Variants in PLXNC1 observed in about 807,000 individuals in gnomAD.
PLXNC1 encodes plexin C1, also known as plexin-C1.
Under a neutral mutation model 178.2 loss-of-function variants are expected in PLXNC1, and 75 were observed. The observed-to-expected ratio is 0.42, with a 90% CI of 0.35 to 0.51. PLXNC1 has a LOEUF of 0.51. Ranked by LOEUF, PLXNC1 falls within the 20% of genes least tolerant of loss-of-function variation. The pLI is 0.02. For synonymous variants in PLXNC1, 790 were observed against 779.9 expected (o/e 1.01, Z -0.22); for missense variants, 1,503 against 1,984.4 (o/e 0.76, Z 4.61).
rs1964549236 is a variant in PLXNC1 at position 94,247,085 on chromosome 12, A to G, written c.2389-818A>G. Among the ~76,000 whole-genome samples, 7 of 152,064 alleles carry G rather than the reference A, an allele frequency of 4.6e-5. No individual in the cohort carries two copies. The South Asian group carries it at 1.5e-3, about 32-fold the overall frequency. On this transcript the variant is annotated intron_variant, in intron 12 of 30. Transcript: ENST00000258526. ...TAACTTTTTAAATTTTATTTTTTATATATATAGAGAGAGACAGGGTCTCAC... is the reference window on the plus strand; with the variant it reads ...TAACTTTTTAAATTTTATTTTTTATGTATATAGAGAGAGACAGGGTCTCAC...
intron 7 of PLXNC1, 33 bp from the exon 8 acceptor site, chr12:94,226,572 C>T (rs560821244): frequency 3.9e-5 from 56 of 1,436,056 alleles, no homozygotes; most frequent in South Asian, 3.9e-4. Flanking sequence ...TGTCCTAAAA[C>T]GCAGGAATTA....
At chr12:94,295,786 G>T (rs1368868790) in intron 24 of PLXNC1, among the ~76,000 whole-genome samples, 1 of 152,164 alleles carries the variant, frequency 6.6e-6, no homozygotes, top group Admixed American at 6.5e-5. Context: ...CACACAGCCT[G>T]CTCTCATTGG....
At chr12:94,275,667 A>C (rs896050738) in intron 21 of PLXNC1, among the ~76,000 whole-genome samples, 4 of 94,826 alleles carry the variant, frequency 4.2e-5, no homozygotes, top group Non-Finnish European at 8.6e-5. Context: ...TCCCGGCTAA[A>C]ACGGTGAAAC....
rs1042780918 is a variant in PLXNC1, at chr12:94,306,356, A to G, written c.*1071A>G. ...TACAACTTGGTATCTTAGTCTTACT[A>G]TGTACTTTTTGAAAGTATTCCTCGC... On this transcript the variant is annotated 3_prime_UTR_variant, in exon 31 of 31. Coordinates refer to ENST00000258526, the MANE Select transcript of PLXNC1 (RefSeq NM_005761.3). The G allele has an allele frequency of 6.6e-6, 1 of 152,198 alleles. No individual in the cohort carries two copies. Among genetic ancestry groups the G allele is most frequent in the Admixed American group, 6.5e-5 (1 of 15,282 alleles). The allele number at this position is 152,198 out of a possible 1,614,324, so 9.4% of individuals were successfully genotyped here. A position where few individuals can be genotyped will look rare whatever the true frequency, so the allele number is the denominator to read the frequency against.
rs766130002 is a variant in PLXNC1 at position 94,279,898 on chromosome 12, G to T, written c.3775+249G>T. ...TGTTGTTGTTGTCTTTAAATATTAC[G>T]TCTGTAAATCAGATTGATGAGATTG... On this transcript the variant is annotated intron_variant, in intron 22 of 30. Coordinates refer to ENST00000258526, the MANE Select transcript of PLXNC1 (RefSeq NM_005761.3). The T allele has an allele frequency of 4.7e-6, 3 of 641,348 alleles. No homozygotes were observed. In the African/African-American group the frequency reaches 5.4e-5, roughly 11 times the overall value. The allele number at this position is 641,348 out of a possible 1,614,324, so 39.7% of individuals were successfully genotyped here. A position where few individuals can be genotyped will look rare whatever the true frequency, so the allele number is the denominator to read the frequency against.
Position 94,298,770 on chromosome 12 carries a change from G to C in PLXNC1, c.4213G>C (p.Val1405Leu), listed in dbSNP as rs377767081. 3 of 1,611,148 alleles carry C rather than the reference G, an allele frequency of 1.9e-6. No individual in the cohort carries two copies. The change falls in exon 27 of 31, where the codon GTC becomes CTC. Residue 1405 changes from valine to leucine, a missense_variant. Around this residue, in one of 4 missense-constraint regions of PLXNC1, gnomAD observed 639 missense variants for 979.7 expected, o/e 0.65. Coordinates refer to ENST00000258526, the MANE Select transcript of PLXNC1 (RefSeq NM_005761.3). The stretch of plus-strand genomic sequence containing the variant: ...AAACAAAAAAATCACAGATCCTGAC[G>C]TCGTACATATTTGGAAAACAAACAG... ...AENKKITDPDVVHIWKTNSLP... is the reference protein window; with the variant it reads ...AENKKITDPDLVHIWKTNSLP...
chr12:94,273,926 T>G (rs948058125), intron 21 of PLXNC1, among the ~76,000 whole-genome samples: 3 of 151,988 alleles, frequency 2.0e-5, no homozygotes, highest in African/African-American at 7.3e-5. Context: ...TTCCGTGGTG[T>G]CAGAGCTCTG....
chr12:94,170,893 G>C (rs1455839052), intron 2 of PLXNC1, among the ~76,000 whole-genome samples: 1 of 152,190 alleles, frequency 6.6e-6, no homozygotes, highest in Admixed American at 6.5e-5. Flanking sequence ...CAAGTCACTG[G>C]GTGACGTCTG....
chr12:94,263,829 G>A (rs1216033163), intron 20 of PLXNC1, among the ~76,000 whole-genome samples: 1 of 152,124 alleles, frequency 6.6e-6, no homozygotes, highest in Non-Finnish European at 1.5e-5. Context: ...GGTGGCAGGA[G>A]GTGGCAAGAG....
At chr12:94,189,467 C>A (rs1962641430) in intron 4 of PLXNC1, among the ~76,000 whole-genome samples, 1 of 152,016 alleles carries the variant, frequency 6.6e-6, no homozygotes, top group African/African-American at 2.4e-5. Context: ...TCACTTGAGC[C>A]CAAGAGTTTG....
chr12:94,249,202 G>A (rs933657630), intron 14 of PLXNC1, among the ~76,000 whole-genome samples: 16 of 152,142 alleles, frequency 1.1e-4, no homozygotes, highest in Admixed American at 5.9e-4. Context: ...GCCTCTCTTA[G>A]TCCATCTGTA....
chr12:94,199,603 G>T (rs1963046039), intron 4 of PLXNC1, among the ~76,000 whole-genome samples: 2 of 152,158 alleles, frequency 1.3e-5, no homozygotes, highest in South Asian at 4.1e-4. Flanking sequence ...GGGTCAACCT[G>T]TGTCCTGTGG....
Position 94,307,553 on chromosome 12 carries a change from T to G in PLXNC1, c.*2268T>G, listed in dbSNP as rs1969184646. 2 of 152,104 alleles carry G rather than the reference T, an allele frequency of 1.3e-5. No individual in the cohort carries two copies. The highest frequency in any genetic ancestry group is 4.8e-5 in the African/African-American group (2 of 41,460). 9.4% of individuals were successfully genotyped at this position (152,104 alleles called of 1,614,324 possible). ...TCTACAGCAGCATTCAAAAAAATTC[T>G]GTTACCTTTTCTGTATTAGGATTTA... On this transcript the variant is annotated 3_prime_UTR_variant, in exon 31 of 31. Coordinates refer to ENST00000258526, the MANE Select transcript of PLXNC1 (RefSeq NM_005761.3).
At chr12:94,186,966 G>C (rs992457721) in intron 4 of PLXNC1, among the ~76,000 whole-genome samples, 1 of 152,222 alleles carries the variant, frequency 6.6e-6, no homozygotes, top group Non-Finnish European at 1.5e-5. Context: ...CAGTCTCCGG[G>C]CAGAATCTGC....
chr12:94,224,831 T>C (rs965928621), intron 7 of PLXNC1, among the ~76,000 whole-genome samples: 7 of 152,088 alleles, frequency 4.6e-5, no homozygotes, highest in African/African-American at 1.7e-4. Flanking sequence ...CACCTGAGCC[T>C]AGGAGATGGA....
chr12:94,293,655 G>A (rs574654125), intron 23 of PLXNC1, among the ~76,000 whole-genome samples: 2 of 152,304 alleles, frequency 1.3e-5, no homozygotes, highest in South Asian at 4.1e-4. Context: ...GTCTCACTCT[G>A]TCGCCCAGGC....
intron 7 of PLXNC1, among the ~76,000 whole-genome samples, chr12:94,225,329 T>C (rs1348226178): frequency 3.3e-5 from 5 of 152,104 alleles, no homozygotes; most frequent in African/African-American, 1.2e-4. Flanking sequence ...ATGGTTTCTA[T>C]GGGGAAAATG....
intron 3 of PLXNC1, among the ~76,000 whole-genome samples, chr12:94,185,055 G>A (rs2135965277): frequency 6.6e-6 from 1 of 152,334 alleles, no homozygotes; most frequent in East Asian, 1.9e-4. Flanking sequence ...ATGAAGTCGT[G>A]ATCCATTTTA....
At chr12:94,163,799 G>T (rs1961485503) in intron 1 of PLXNC1, among the ~76,000 whole-genome samples, 1 of 152,138 alleles carries the variant, frequency 6.6e-6, no homozygotes, top group African/African-American at 2.4e-5. Flanking sequence ...CGATCAGAGA[G>T]CTGCCATAAC....
Sources: gnomAD v4.1 joint callset for allele counts (sites outside exome capture counted in the v4.1 genomes callset) on GRCh38, gnomAD v4.1.1 for gene constraint, gnomAD v4.1.1 regional missense constraint, MANE v1.5 for transcripts, NCBI Gene and HGNC (gene_info 2026-07-23, HGNC 2026-07-21) for gene names.